ZNF385D: variants seen among roughly 807,000 people sequenced by gnomAD.
The protein encoded by ZNF385D is zinc finger protein 659.
ZNF385D carries 15 observed loss-of-function variants against 35.8 expected under a neutral mutation model. The observed-to-expected ratio is 0.42, with a 90% CI of 0.28 to 0.64. The LOEUF is 0.64. Among genes scored for constraint, ZNF385D ranks in the 30% least tolerant of loss-of-function variants. The pLI is 0.23. For missense variants in ZNF385D, 474 were observed against 494.6 expected (o/e 0.96, Z 0.39); for synonymous variants, 212 against 186.8 (o/e 1.13, Z -1.10).
Position 21,720,419 on chromosome 3 carries a change from T to G in ZNF385D, c.22+30476A>C, listed in dbSNP as rs993534289. 3.9e-5 allele frequency among the ~76,000 whole-genome samples: 6 copies of G among 152,084 alleles called. No homozygotes were observed. In the East Asian group the frequency reaches 1.2e-3, roughly 29 times the overall value. On this transcript the variant is annotated intron_variant, in intron 1 of 7. Coordinates refer to ENST00000281523, the MANE Select transcript of ZNF385D (RefSeq NM_024697.3). The stretch of plus-strand genomic sequence containing the variant: ...AAATTTAAATGTTATCCTGGTGTGG[T>G]GGTACACATCTGTACTCCCAGTTAC...
chr3:22,257,950 A>T (rs761011631), intron 2 of ZNF385D, among the ~76,000 whole-genome samples: 1 of 151,970 alleles, frequency 6.6e-6, no homozygotes, highest in African/African-American at 2.4e-5. Context: ...TTACAATCTC[A>T]ACTAATCTTT....
At chr3:22,063,532 T>C (rs1699790077) in intron 3 of ZNF385D, among the ~76,000 whole-genome samples, 3 of 152,180 alleles carry the variant, frequency 2.0e-5, no homozygotes, top group Admixed American at 2.0e-4. Flanking sequence ...CTAAAGCCTA[T>C]TAAATTCTCT....
At chr3:21,605,771 A>G (rs1338777679) in intron 2 of ZNF385D, among the ~76,000 whole-genome samples, 4 of 152,212 alleles carry the variant, frequency 2.6e-5, no homozygotes, top group Non-Finnish European at 5.9e-5. Context: ...GTGAGTGATC[A>G]TTAGTTGTAA....
At chr3:21,535,167 T>C (rs2125544441) in intron 3 of ZNF385D, among the ~76,000 whole-genome samples, 1 of 152,260 alleles carries the variant, frequency 6.6e-6, no homozygotes, top group East Asian at 1.9e-4. Context: ...GAAGTAGCAA[T>C]GTCAGTACCT....
chr3:21,820,686 GA>G (rs1447300070), intron 3 of ZNF385D, among the ~76,000 whole-genome samples: 4 of 151,230 alleles, frequency 2.6e-5, no homozygotes, highest in African/African-American at 9.7e-5. Context: ...TTTCTCGAAA[GA>G]AAAATAGAGG....
At chr3:21,548,947 A>G (rs1290084506) in intron 3 of ZNF385D, among the ~76,000 whole-genome samples, 2 of 152,210 alleles carry the variant, frequency 1.3e-5, no homozygotes, top group Non-Finnish European at 2.9e-5. Context: ...AGACATCACT[A>G]TGGTTTGTAT....
intron 1 of ZNF385D, among the ~76,000 whole-genome samples, chr3:21,676,371 T>C (rs1407255198): frequency 6.6e-6 from 1 of 152,142 alleles, no homozygotes; most frequent in African/African-American, 2.4e-5. Context: ...TTCTGGCAGG[T>C]TGTGCTTAAA....
intron 3 of ZNF385D, among the ~76,000 whole-genome samples, chr3:21,839,549 C>T (rs1307075470): frequency 6.6e-6 from 1 of 152,060 alleles, no homozygotes; most frequent in African/African-American, 2.4e-5. Context: ...CTCTATTAGG[C>T]AAGAGAGGCT....
chr3:21,892,745 C>T (rs1332575361), intron 3 of ZNF385D, among the ~76,000 whole-genome samples: 3 of 152,064 alleles, frequency 2.0e-5, no homozygotes, highest in Admixed American at 2.0e-4. Context: ...GGTCTATAGC[C>T]CTCTGAAGTT....
At chr3:22,156,427 A>C (rs574610948) in intron 3 of ZNF385D, among the ~76,000 whole-genome samples, 16 of 152,182 alleles carry the variant, frequency 1.1e-4, no homozygotes, top group African/African-American at 2.9e-4. Context: ...TCTTCAAATT[A>C]ACTGCAATGC....
intron 3 of ZNF385D, among the ~76,000 whole-genome samples, chr3:22,166,597 T>C (rs555356757): frequency 1.3e-4 from 20 of 152,252 alleles, no homozygotes; most frequent in Non-Finnish European, 2.4e-4. Context: ...TGAGGAAAAA[T>C]TGAATAATAA....
intron 3 of ZNF385D, among the ~76,000 whole-genome samples, chr3:21,975,737 A>ATG (rs1559808684): frequency 2.2e-4 from 15 of 67,606 alleles, no homozygotes; most frequent in Non-Finnish European, 4.0e-4. Flanking sequence ...ATATATATAT[A>ATG]TATATATATA....
At chr3:22,222,234 G>A (rs1428861052) in intron 2 of ZNF385D, among the ~76,000 whole-genome samples, 1 of 151,858 alleles carries the variant, frequency 6.6e-6, no homozygotes, top group African/African-American at 2.4e-5. Context: ...CTCTCAAAGT[G>A]CTGGGATAAC....
At chr3:22,106,756 CTGGATCTG>C (rs1559373607) in intron 3 of ZNF385D, among the ~76,000 whole-genome samples, 1 of 152,176 alleles carries the variant, frequency 6.6e-6, no homozygotes, top group Non-Finnish European at 1.5e-5. Flanking sequence ...TGTGACGCAA[CTGGATCTG>C]TAACTTGATC....
intron 4 of ZNF385D, among the ~76,000 whole-genome samples, chr3:21,463,455 G>T (rs1703313582): frequency 6.6e-6 from 1 of 152,224 alleles, no homozygotes; most frequent in East Asian, 1.9e-4. Flanking sequence ...CAGCGAAGCA[G>T]TCACAGAGCT....
intron 3 of ZNF385D, among the ~76,000 whole-genome samples, chr3:22,021,873 T>C (rs13098412): frequency 0.098 from 14,955 of 152,102 alleles, 1,042 homozygotes; most frequent in South Asian, 0.21. Flanking sequence ...GGATGCGGCC[T>C]GCACTTGGAA....
At position 21,850,866 on chromosome 3, in the gene ZNF385D, T is replaced by C. The variant is rs142689932; in HGVS notation, c.326-185838A>G. On this transcript the variant is annotated intron_variant, in intron 3 of 5. Transcript: ENST00000494108. ...AAAAATTACAGAACAGATCCACAACTAAATTAATTGCCTGCCAAAACAAAA... is the reference window on the plus strand; with the variant it reads ...AAAAATTACAGAACAGATCCACAACCAAATTAATTGCCTGCCAAAACAAAA... Among the ~76,000 whole-genome samples the C allele has an allele frequency of 1.1e-3, 162 of 152,124 alleles. 1 individual carries two copies. The highest frequency in any genetic ancestry group is 3.8e-3 in the African/African-American group (156 of 41,538).
rs180745204 is a variant in ZNF385D, at chr3:22,042,940, A to C, written c.325+125877T>G. ...ATCAAGGGACTAACCTAAAATTCTA[A>C]TTTTCTCAACTAGGATCAGTTGTAA... is the stretch of plus-strand genomic sequence containing the variant. On this transcript the variant is annotated intron_variant, in intron 3 of 5. Transcript: ENST00000494108. Among the ~76,000 whole-genome samples the C allele has an allele frequency of 1.9e-3, 289 of 152,224 alleles. 1 individual carries two copies. Among genetic ancestry groups the C allele is most frequent in the Middle Eastern group, 3.4e-3 (1 of 294 alleles).
chr3:22,195,565 A>T (rs1696357751), intron 2 of ZNF385D, among the ~76,000 whole-genome samples: 1 of 151,992 alleles, frequency 6.6e-6, no homozygotes, highest in Non-Finnish European at 1.5e-5. Flanking sequence ...TTACATTTTG[A>T]AATCTGTGGT....
Sources: allele counts gnomAD v4.1 joint callset (sites outside exome capture counted in the v4.1 genomes callset), GRCh38; gene constraint gnomAD v4.1.1; transcripts MANE v1.5; gene names NCBI Gene and HGNC (gene_info 2026-07-23, HGNC 2026-07-21).